The following TMEM200A variants were observed in gnomAD, a reference collection of about 807,000 sequenced individuals.
The protein encoded by TMEM200A is transmembrane protein 200A, also known as two transmembrane C.
In TMEM200A, 12 loss-of-function variants were observed where a neutral mutation model predicts 24.3. The observed-to-expected ratio is 0.49, with a 90% CI of 0.32 to 0.80. The LOEUF (loss-of-function observed/expected upper bound fraction) is 0.80. Among genes scored for constraint, TMEM200A ranks in the 30% least tolerant of loss-of-function variants. TMEM200A has a pLI of 0.04. For missense variants in TMEM200A, 545 were observed against 614.4 expected, an observed-to-expected ratio of 0.89 and a Z score of 1.19; for synonymous variants, 224 against 224.4, an observed-to-expected ratio of 1.00 and a Z score of 0.02.
intron 2 of TMEM200A, among the ~76,000 whole-genome samples, chr6:130,430,129 C>G (rs1351353143): frequency 6.6e-6 from 1 of 152,026 alleles, no homozygotes; most frequent in Non-Finnish European, 1.5e-5. Context: ...TATCACAGTT[C>G]TGAAAGCTGG....
chr6:130,390,552 C>G (rs879594523), intron 2 of TMEM200A, among the ~76,000 whole-genome samples: 16 of 152,180 alleles, frequency 1.1e-4, no homozygotes, highest in Admixed American at 6.5e-4. Flanking sequence ...CTTGACAAAC[C>G]TTAGTATTCT....
In TMEM200A at chr6:130,441,030, C is replaced by G; in HGVS notation, c.608C>G (p.Ser203Trp). The change falls in exon 3 of 3, where the codon TCG becomes TGG. Residue 203 changes from serine to tryptophan, a missense_variant. By Grantham distance (177) the Ser-to-Trp change is radical (BLOSUM62 -3). Coordinates refer to ENST00000296978, the MANE Select transcript of TMEM200A (RefSeq NM_001258277.2). The part of the protein sequence containing the change: ...EVKQNGSSCA[S>W]RLAANTIASF... ...AAACAGAATGGGAGCTCCTGTGCCT[C>G]GAGATTGGCAGCAAATACGATCGCC... 6.2e-7 allele frequency: 1 copy of G among 1,613,808 alleles called. No homozygotes were observed. Among genetic ancestry groups the G allele is most frequent in the Non-Finnish European group, 8.5e-7 (1 of 1,179,910 alleles).
intron 2 of TMEM200A, among the ~76,000 whole-genome samples, chr6:130,409,503 G>A (rs2115154998): frequency 6.6e-6 from 1 of 152,282 alleles, no homozygotes; most frequent in South Asian, 2.1e-4. Context: ...GTGAGGAGGT[G>A]CCAGCCTTTG....
intron 2 of TMEM200A, among the ~76,000 whole-genome samples, chr6:130,428,391 T>A (rs947051499): frequency 1.1e-4 from 17 of 152,302 alleles, no homozygotes; most frequent in African/African-American, 3.8e-4. Flanking sequence ...CTTCCTATAC[T>A]TTATCCTCCA....
chr6:130,417,354 A>T (rs951819470), intron 2 of TMEM200A, among the ~76,000 whole-genome samples: 2 of 152,216 alleles, frequency 1.3e-5, no homozygotes, highest in Admixed American at 6.5e-5. Context: ...TAAAATTATG[A>T]AAATTTGAGC....
intron 2 of TMEM200A, among the ~76,000 whole-genome samples, chr6:130,401,347 C>T (rs762198092): frequency 6.6e-6 from 1 of 151,106 alleles, no homozygotes. Context: ...TAATTTAGAT[C>T]CCTTCCTTTC....
At chr6:130,435,684 T>C (rs1232419155) in intron 2 of TMEM200A, among the ~76,000 whole-genome samples, 2 of 152,256 alleles carry the variant, frequency 1.3e-5, no homozygotes, top group Non-Finnish European at 1.5e-5. Flanking sequence ...AACAGGATTT[T>C]GGAAGCCAGG....
chr6:130,430,385 C>T (rs1779847173), intron 2 of TMEM200A, among the ~76,000 whole-genome samples: 1 of 151,870 alleles, frequency 6.6e-6, no homozygotes. Flanking sequence ...CATATTCAGC[C>T]TATAGCAAGT....
At chr6:130,384,424 G>A (rs1778667311) in intron 1 of TMEM200A, among the ~76,000 whole-genome samples, 1 of 152,122 alleles carries the variant, frequency 6.6e-6, no homozygotes, top group Non-Finnish European at 1.5e-5. Context: ...TAATCCTCCT[G>A]TCTCAGCCTC....
intron 2 of TMEM200A, among the ~76,000 whole-genome samples, chr6:130,391,671 C>T (rs1224989184): frequency 6.6e-6 from 1 of 151,566 alleles, no homozygotes; most frequent in Non-Finnish European, 1.5e-5. Flanking sequence ...AAACAGAGAC[C>T]CAGTATGCAT....
At chr6:130,376,510 T>C (rs1283331400) in intron 1 of TMEM200A, among the ~76,000 whole-genome samples, 1 of 152,196 alleles carries the variant, frequency 6.6e-6, no homozygotes, top group Non-Finnish European at 1.5e-5. Flanking sequence ...CTTGAACTCC[T>C]GATCTCACAC....
chr6:130,404,525 T>G (rs1405160464), intron 2 of TMEM200A, among the ~76,000 whole-genome samples: 1 of 152,180 alleles, frequency 6.6e-6, no homozygotes, highest in Non-Finnish European at 1.5e-5. Context: ...TTAATGGGGT[T>G]GTTTTTCTCT....
chr6:130,381,075 CTT>C (rs1329206380), intron 1 of TMEM200A, among the ~76,000 whole-genome samples: 1 of 152,256 alleles, frequency 6.6e-6, no homozygotes, highest in African/African-American at 2.4e-5. Context: ...ATAGTACTCT[CTT>C]AAGTTATAAC....
intron 2 of TMEM200A, among the ~76,000 whole-genome samples, chr6:130,399,991 C>T (rs1779044495): frequency 6.6e-6 from 1 of 151,970 alleles, no homozygotes; most frequent in South Asian, 2.1e-4. Flanking sequence ...CAATCTCATC[C>T]AGGTCATCGC....
intron 1 of TMEM200A, among the ~76,000 whole-genome samples, chr6:130,375,710 A>T (rs1400080413): frequency 1.3e-5 from 2 of 152,196 alleles, no homozygotes; most frequent in Non-Finnish European, 2.9e-5. Flanking sequence ...GGGAGGGGGC[A>T]TTGGAGTAGG....
rs1778136597 is a variant in TMEM200A, at chr6:130,366,146, C to A, written c.-459C>A. On this transcript the variant is annotated 5_prime_UTR_variant, in exon 1 of 3. Coordinates refer to ENST00000296978, the MANE Select transcript of TMEM200A (RefSeq NM_001258277.2). The surrounding 1 kb of genome is among the most constrained non-coding windows in gnomAD (Gnocchi z 4.4). ...CCGGCTTGCTGCGCCCGGTGCCCTC[C>A]GAGGGCAGGCGCGCCTGGACTCTGC... 1 of 985,372 alleles carries A rather than the reference C, an allele frequency of 1.0e-6. No individual in the cohort carries two copies. Among genetic ancestry groups the A allele is most frequent in the South Asian group, 4.7e-5 (1 of 21,284 alleles). 61.0% of individuals were successfully genotyped at this position (985,372 alleles called of 1,614,324 possible). A position where few individuals can be genotyped will look rare whatever the true frequency, so the allele number is the denominator to read the frequency against.
At chr6:130,382,986 C>T (rs535723567) in intron 1 of TMEM200A, 1 of 984,520 alleles carries the variant, frequency 1.0e-6, no homozygotes, top group South Asian at 4.7e-5. Flanking sequence ...GATCAGGAAG[C>T]AAACCATCTC....
chr6:130,430,727 C>T (rs1026159455), intron 2 of TMEM200A, among the ~76,000 whole-genome samples: 1 of 151,962 alleles, frequency 6.6e-6, no homozygotes. Flanking sequence ...TCTTGCCATC[C>T]CCAAGGAAGT....
chr6:130,406,300 A>G lies in TMEM200A; in HGVS notation c.-17+21064A>G, dbSNP rs555428066. 1.2e-4 allele frequency among the ~76,000 whole-genome samples: 18 copies of G among 152,264 alleles called. 1 individual carries two copies. The South Asian group carries it at 3.7e-3, about 32-fold the overall frequency. The stretch of plus-strand genomic sequence containing the variant: ...TTAGAAAAACACTATCCAGCTTAAG[A>G]CTAGACCCTTTTAAATATATCTGTA... On this transcript the variant is annotated intron_variant, in intron 2 of 2. Coordinates refer to ENST00000296978, the MANE Select transcript of TMEM200A (RefSeq NM_001258277.2).
Sources: gnomAD v4.1 joint callset for allele counts (sites outside exome capture counted in the v4.1 genomes callset) on GRCh38, gnomAD v4.1.1 for gene constraint, Gnocchi (gnomAD v3.1) non-coding constraint, MANE v1.5 for transcripts, NCBI Gene and HGNC (gene_info 2026-07-23, HGNC 2026-07-21) for gene names.